The following FBP2 variants were observed in gnomAD, a reference collection of about 807,000 sequenced individuals.
The protein encoded by FBP2 is fructose-1,6-bisphosphatase isozyme 2.
Under a neutral mutation model 31.6 loss-of-function variants are expected in FBP2, and 27 were observed. The observed-to-expected ratio is 0.85, with a 90% confidence interval of 0.63 to 1.18. The LOEUF (loss-of-function observed/expected upper bound fraction) is 1.18. Ranked by LOEUF, FBP2 falls within the 50% of genes most tolerant of loss-of-function variation. The pLI is 0.00. For synonymous variants in FBP2, 168 were observed against 179.8 expected, an observed-to-expected ratio of 0.93 and a Z score of 0.53; for missense variants, 421 against 436.1, an observed-to-expected ratio of 0.97 and a Z score of 0.31.
intron 1 of FBP2, among the ~76,000 whole-genome samples, chr9:94,593,270 A>T (rs1227566643): frequency 3.3e-5 from 5 of 152,254 alleles, no homozygotes; most frequent in Non-Finnish European, 7.3e-5. Flanking sequence ...AGTCATGATA[A>T]CACAATACAT....
At chr9:94,566,333 C>G (rs755884679) in intron 5 of FBP2, among the ~76,000 whole-genome samples, 2 of 152,240 alleles carry the variant, frequency 1.3e-5, no homozygotes, top group Non-Finnish European at 2.9e-5. Flanking sequence ...GGGCAAGGAA[C>G]ACCTGGCCCG....
chr9:94,591,320 C>T (rs1198502916), intron 1 of FBP2, among the ~76,000 whole-genome samples: 3 of 152,358 alleles, frequency 2.0e-5, no homozygotes, highest in East Asian at 1.9e-4. Flanking sequence ...AGCGAGAAAT[C>T]GAGCGCAGCG....
rs371196613 is a variant in FBP2, at chr9:94,585,381, C to T, written c.334-712G>A. On this transcript the variant is annotated intron_variant, in intron 2 of 6. Coordinates refer to ENST00000375337, the MANE Select transcript of FBP2 (RefSeq NM_003837.4). ...TGTTCAAGGCCCTGGGGTTTGTTTC[C>T]GGGGGGTCAGCGATCCCGGCAGCAA... Among the ~76,000 whole-genome samples, 11 of 152,186 alleles carry T rather than the reference C, an allele frequency of 7.2e-5. No homozygotes were observed. The East Asian group carries it at 7.7e-4, about 11-fold the overall frequency.
chr9:94,573,938 G>A (rs1176502912), intron 3 of FBP2, among the ~76,000 whole-genome samples: 2 of 152,156 alleles, frequency 1.3e-5, no homozygotes, highest in African/African-American at 4.8e-5. Context: ...TGAGCCTGGA[G>A]ATTTCTTTTC....
chr9:94,593,265 T>G (rs368930943), intron 1 of FBP2, among the ~76,000 whole-genome samples: 2 of 152,258 alleles, frequency 1.3e-5, no homozygotes, highest in African/African-American at 4.8e-5. Context: ...GTACAAGTCA[T>G]GATAACACAA....
At chr9:94,585,450 G>T (rs1469322051) in intron 2 of FBP2, among the ~76,000 whole-genome samples, 1 of 151,704 alleles carries the variant, frequency 6.6e-6, no homozygotes, top group Non-Finnish European at 1.5e-5. Context: ...AGAACAGACA[G>T]AGAGCACACA....
At chr9:94,561,371 T>C (rs1385573512) in intron 6 of FBP2, among the ~76,000 whole-genome samples, 2 of 136,612 alleles carry the variant, frequency 1.5e-5, no homozygotes, top group African/African-American at 5.4e-5. Flanking sequence ...TTTTTTTTTT[T>C]TTTTTTTTTG....
intron 3 of FBP2, among the ~76,000 whole-genome samples, chr9:94,583,631 G>A (rs1827394478): frequency 6.6e-6 from 1 of 152,028 alleles, no homozygotes; most frequent in Non-Finnish European, 1.5e-5. Flanking sequence ...AGAGAGTCTT[G>A]CTCTGTCACC....
intron 4 of FBP2, chr9:94,570,303 TG>T (rs1479874696): frequency 2.6e-5 from 4 of 152,210 alleles, no homozygotes; most frequent in Non-Finnish European, 5.9e-5. Context: ...AAATTTAGTG[TG>T]GTAGAGTAAT....
At chr9:94,572,513 A>C (rs1222653302) in intron 3 of FBP2, among the ~76,000 whole-genome samples, 1 of 152,192 alleles carries the variant, frequency 6.6e-6, no homozygotes, top group Non-Finnish European at 1.5e-5. Flanking sequence ...CTGGTCTTCC[A>C]GCGCTTGACG....
Position 94,558,901 on chromosome 9 carries a change from C to G in FBP2, c.*37G>C. 1 of 1,598,304 alleles carries G rather than the reference C, an allele frequency of 6.3e-7. No individual in the cohort carries two copies. Among genetic ancestry groups the G allele is most frequent in the Non-Finnish European group, 8.6e-7 (1 of 1,165,764 alleles). On this transcript the variant is annotated 3_prime_UTR_variant, in exon 7 of 7. Transcript: ENST00000375337. ...TCATTTAGGGTCCTTAGACAAGGTG[C>G]AAGACAAACAGAAGAGGGCATGTGG...
intron 3 of FBP2, among the ~76,000 whole-genome samples, chr9:94,582,123 T>G (rs762565177): frequency 1.1e-4 from 17 of 152,178 alleles, no homozygotes; most frequent in Non-Finnish European, 2.4e-4. Flanking sequence ...GCTCTCCTGA[T>G]AAAAGACCAC....
chr9:94,582,579 G>A (rs1046568956), intron 3 of FBP2, among the ~76,000 whole-genome samples: 9 of 137,196 alleles, frequency 6.6e-5, no homozygotes, highest in African/African-American at 2.3e-4. Context: ...ACGGAGTCTC[G>A]CTCTGTCACC....
chr9:94,567,502 C>T (rs1827209141), intron 4 of FBP2, 95 bp from the exon 5 acceptor site: 1 of 1,462,718 alleles, frequency 6.8e-7, no homozygotes, highest in Non-Finnish European at 9.3e-7. Context: ...AGATGGGGGC[C>T]TGCTGGCAGA....
At chr9:94,567,448 CA>C in intron 4 of FBP2, 41 bp from the exon 5 acceptor site, 1 of 1,571,498 alleles carries the variant, frequency 6.4e-7, no homozygotes, top group Non-Finnish European at 8.6e-7. Flanking sequence ...AGAGAGAAGC[CA>C]GGAAACAAGC....
At chr9:94,560,960 G>A (rs886869329) in intron 6 of FBP2, among the ~76,000 whole-genome samples, 2 of 151,964 alleles carry the variant, frequency 1.3e-5, no homozygotes, top group African/African-American at 4.8e-5. Flanking sequence ...GTGTCCAGAA[G>A]GGTGTAAAAA....
chr9:94,564,390 G>A (rs1827155369), intron 5 of FBP2, among the ~76,000 whole-genome samples: 1 of 152,176 alleles, frequency 6.6e-6, no homozygotes. Flanking sequence ...ATTCACAATA[G>A]CAAAGATATG....
chr9:94,589,945 T>C (rs952411370), intron 1 of FBP2, among the ~76,000 whole-genome samples: 10 of 152,136 alleles, frequency 6.6e-5, no homozygotes, highest in African/African-American at 2.4e-4. Context: ...TGGTTCGATA[T>C]GGAATCTGAA....
chr9:94,587,373 G>A lies in FBP2; in HGVS notation c.267C>T (p.Ser89=), dbSNP rs770569474. The A allele has an allele frequency of 9.9e-6, 16 of 1,614,044 alleles. No individual in the cohort carries two copies. The highest frequency in any genetic ancestry group is 1.4e-5 in the Non-Finnish European group (16 of 1,179,930). ...CTGAGACCAGGACGCAGGTACTATA[G>A]GAGGATTGGACCATGTTGATCACCA... ...NSLVINMVQS[S]YSTCVLVSEE... Residue 89 remains serine, a synonymous_variant, in exon 2 of 7, where the codon TCC becomes TCT. Coordinates refer to ENST00000375337, the MANE Select transcript of FBP2 (RefSeq NM_003837.4).
Sources: allele counts gnomAD v4.1 joint callset (sites outside exome capture counted in the v4.1 genomes callset), GRCh38; gene constraint gnomAD v4.1.1; transcripts MANE v1.5; gene names NCBI Gene and HGNC (gene_info 2026-07-23, HGNC 2026-07-21).